Variants in LIMD1 observed in about 807,000 individuals in gnomAD.
The protein encoded by LIMD1 is LIM domain-containing protein 1.
A neutral mutation model predicts 58.4 loss-of-function variants in LIMD1; 23 were observed. That is an observed-to-expected ratio of 0.39 (90% confidence interval 0.28 to 0.56). The LOEUF (loss-of-function observed/expected upper bound fraction) is 0.56, where lower values mean the gene tolerates loss of function less well. LIMD1 is among the 20% of genes least tolerant of loss of function. LIMD1 has a pLI of 0.57. For missense variants in LIMD1, 838 were observed against 855.5 expected (o/e 0.98, Z 0.25); for synonymous variants, 334 against 345.5 (o/e 0.97, Z 0.37).
At chr3:45,597,903 T>A (rs1231853168) in intron 1 of LIMD1, among the ~76,000 whole-genome samples, 1 of 152,246 alleles carries the variant, frequency 6.6e-6, no homozygotes, top group African/African-American at 2.4e-5. Flanking sequence ...GGGAGCCAGT[T>A]CTCACCCCAT....
chr3:45,664,285 C>T (rs559489397), intron 2 of LIMD1, among the ~76,000 whole-genome samples: 3 of 152,292 alleles, frequency 2.0e-5, no homozygotes, highest in Admixed American at 6.5e-5. Flanking sequence ...GGACTACAGA[C>T]GTGAACAACT....
intron 6 of LIMD1, 78 bp from the exon 7 acceptor site, chr3:45,674,265 C>T (rs577127765): frequency 3.6e-6 from 4 of 1,105,656 alleles, no homozygotes; most frequent in African/African-American, 3.0e-5. Context: ...CTCTTCCCTC[C>T]CCACCCCACG....
intron 1 of LIMD1, among the ~76,000 whole-genome samples, chr3:45,630,772 A>G (rs911228333): frequency 6.6e-6 from 1 of 152,172 alleles, no homozygotes; most frequent in African/African-American, 2.4e-5. Flanking sequence ...GATAGTCATA[A>G]TGAGACCTTT....
Position 45,603,250 on chromosome 3 carries a change from G to A in LIMD1, c.1408+6963G>A, listed in dbSNP as rs192889348. On this transcript the variant is annotated intron_variant, in intron 1 of 7. Transcript: ENST00000273317. ...AAAATCGAGCATTTTTCACATAAAA[G>A]GAAACAACATGGGCTAGTCTTGTAA... 4.1e-3 allele frequency among the ~76,000 whole-genome samples: 619 copies of A among 152,218 alleles called. 7 individuals are homozygous for A. The highest frequency in any genetic ancestry group is 0.014 in the African/African-American group (589 of 41,536).
At chr3:45,636,023 A>T in intron 1 of LIMD1, 127 bp from the exon 2 acceptor site, 1 of 1,545,138 alleles carries the variant, frequency 6.5e-7, no homozygotes, top group East Asian at 2.4e-5. Context: ...CAAATGAGTC[A>T]TCCACTGGAT....
At chr3:45,607,832 C>G (rs1701482495) in intron 1 of LIMD1, among the ~76,000 whole-genome samples, 1 of 152,202 alleles carries the variant, frequency 6.6e-6, no homozygotes. Flanking sequence ...CAGCAGCTTC[C>G]CTGTTCCCCT....
At chr3:45,649,840 GT>G (rs1315471606) in intron 2 of LIMD1, among the ~76,000 whole-genome samples, 4 of 64,008 alleles carry the variant, frequency 6.2e-5, no homozygotes, top group South Asian at 6.5e-4. Context: ...GTTCCTTGAA[GT>G]TTTTTTGTTT....
intron 1 of LIMD1, among the ~76,000 whole-genome samples, chr3:45,603,551 T>C (rs1285296476): frequency 6.6e-6 from 1 of 152,186 alleles, no homozygotes; most frequent in Non-Finnish European, 1.5e-5. Flanking sequence ...GAAGTAAATT[T>C]CTGACTCTGC....
intron 1 of LIMD1, chr3:45,635,847 G>A (rs1701781727): frequency 1.0e-6 from 1 of 980,102 alleles, no homozygotes; most frequent in Non-Finnish European, 1.2e-6. Context: ...CAAACAGTGG[G>A]AACCTTCGAA....
intron 2 of LIMD1, among the ~76,000 whole-genome samples, chr3:45,645,998 C>G (rs1020680357): frequency 3.3e-5 from 5 of 151,102 alleles, no homozygotes; most frequent in Non-Finnish European, 7.4e-5. Flanking sequence ...CCACTGCACT[C>G]CAGCCTGAGT....
At chr3:45,613,776 G>T (rs1391358021) in intron 1 of LIMD1, among the ~76,000 whole-genome samples, 1 of 151,914 alleles carries the variant, frequency 6.6e-6, no homozygotes, top group African/African-American at 2.4e-5. Context: ...GGAATTATAG[G>T]CATGAGCCAC....
chr3:45,614,287 G>A (rs1427698632), intron 1 of LIMD1, among the ~76,000 whole-genome samples: 1 of 151,998 alleles, frequency 6.6e-6, no homozygotes, highest in Non-Finnish European at 1.5e-5. Context: ...CAGCACTTTG[G>A]GAGGCCGAGG....
At chr3:45,615,181 G>A (rs1392457790) in intron 1 of LIMD1, among the ~76,000 whole-genome samples, 1 of 152,182 alleles carries the variant, frequency 6.6e-6, no homozygotes, top group East Asian at 1.9e-4. Context: ...GTTTATATGA[G>A]GTTGAACAAA....
intron 2 of LIMD1, among the ~76,000 whole-genome samples, chr3:45,660,246 C>G (rs912597320): frequency 2.0e-5 from 3 of 151,694 alleles, no homozygotes; most frequent in Non-Finnish European, 2.9e-5. Flanking sequence ...GCAGCCCCAC[C>G]TTCTTTCCTC....
intron 1 of LIMD1, among the ~76,000 whole-genome samples, chr3:45,596,588 G>A (rs1701358223): frequency 6.6e-6 from 1 of 152,096 alleles, no homozygotes; most frequent in Non-Finnish European, 1.5e-5. Flanking sequence ...TGGATTTCAA[G>A]GGTTTTGGGT....
chr3:45,642,507 T>C (rs897644443), intron 2 of LIMD1, among the ~76,000 whole-genome samples: 1 of 152,202 alleles, frequency 6.6e-6, no homozygotes, highest in Non-Finnish European at 1.5e-5. Flanking sequence ...GACAGAAACC[T>C]GTTATGTTAG....
chr3:45,635,800 T>A, intron 1 of LIMD1: 1 of 529,760 alleles, frequency 1.9e-6, no homozygotes. Context: ...ATGCTTGGCA[T>A]ATTATAGTGA....
chr3:45,604,682 G>A lies in LIMD1; in HGVS notation c.1408+8395G>A, dbSNP rs1701450368. ...CTTGCCTTGGTGGCTCCCAACGGAT[G>A]TTCTTCTGGCCAGTGCTGTGCTGCC... On this transcript the variant is annotated intron_variant, in intron 1 of 7. Coordinates refer to ENST00000273317, the MANE Select transcript of LIMD1 (RefSeq NM_014240.3). 2.0e-5 allele frequency among the ~76,000 whole-genome samples: 3 copies of A among 152,142 alleles called. No individual in the cohort carries two copies. In the South Asian group the frequency reaches 6.2e-4, roughly 31 times the overall value.
intron 1 of LIMD1, among the ~76,000 whole-genome samples, chr3:45,625,640 ACT>A (rs1179929269): frequency 6.6e-6 from 1 of 151,818 alleles, no homozygotes; most frequent in Non-Finnish European, 1.5e-5. Context: ...GGTCATGAAG[ACT>A]CTGCCCTTGT....
Sources: gnomAD v4.1 joint callset for allele counts (sites outside exome capture counted in the v4.1 genomes callset) on GRCh38, gnomAD v4.1.1 for gene constraint, MANE v1.5 for transcripts, NCBI Gene and HGNC (gene_info 2026-07-23, HGNC 2026-07-21) for gene names.